Variants in TF observed in about 807,000 individuals in gnomAD.
The protein encoded by TF is serotransferrin.
In TF, 55 loss-of-function variants were observed where a neutral mutation model predicts 82.4. That is an observed-to-expected ratio of 0.67 (90% confidence interval 0.54 to 0.84). The LOEUF is 0.84. Ranked by LOEUF, TF falls within the 40% of genes least tolerant of loss-of-function variation. The pLI is 0.00. For synonymous variants in TF, 332 were observed against 332.6 expected, an observed-to-expected ratio of 1.00 and a Z score of 0.02; for missense variants, 737 against 868.4, an observed-to-expected ratio of 0.85 and a Z score of 1.90.
the TF span, among the ~76,000 whole-genome samples, chr3:133,724,263 G>C: frequency 1.3e-5 from 2 of 152,174 alleles, no homozygotes; most frequent in African/African-American, 2.4e-5. Context: ...CTAGTTTACA[G>C]TTCCACCAAC....
chr3:133,711,443 G>A, the TF span, among the ~76,000 whole-genome samples: 4 of 152,108 alleles, frequency 2.6e-5, no homozygotes, highest in African/African-American at 9.7e-5. Flanking sequence ...AAAACTGAAT[G>A]CACCATCCCT....
At chr3:133,685,430 T>C in the TF span, among the ~76,000 whole-genome samples, 1 of 152,184 alleles carries the variant, frequency 6.6e-6, no homozygotes, top group Non-Finnish European at 1.5e-5. Context: ...GGGCAGATGA[T>C]ATGATTGTAT....
upstream of TF, among the ~76,000 whole-genome samples, chr3:133,741,082 C>G (rs184391346): frequency 2.8e-3 from 420 of 150,188 alleles, 1 homozygote; most frequent in Non-Finnish European, 4.7e-3. Flanking sequence ...ACCTCTGCCT[C>G]CCAGATTCAA....
At chr3:133,756,491 CG>C (rs1343896660) in intron 6 of TF, among the ~76,000 whole-genome samples, 154 bp downstream of exon 6, 1 of 152,154 alleles carries the variant, frequency 6.6e-6, no homozygotes, top group Non-Finnish European at 1.5e-5. Flanking sequence ...TAGGTACCTA[CG>C]GGGTCCCCAT....
At chr3:133,724,774 A>T in the TF span, among the ~76,000 whole-genome samples, 1 of 151,892 alleles carries the variant, frequency 6.6e-6, no homozygotes, top group African/African-American at 2.4e-5. Context: ...TCTTCTAGGG[A>T]TTTTATGGTT....
chr3:133,686,579 C>A, the TF span, among the ~76,000 whole-genome samples: 1 of 152,150 alleles, frequency 6.6e-6, no homozygotes, highest in Admixed American at 6.5e-5. Context: ...ATTCATGCAG[C>A]CAACAGACAC....
At chr3:133,677,498 G>A in the TF span, among the ~76,000 whole-genome samples, 4 of 151,966 alleles carry the variant, frequency 2.6e-5, no homozygotes, top group Non-Finnish European at 5.9e-5. Context: ...TTAGTCAGGC[G>A]TGGTGGTGGG....
intron 8 of TF, 90 bp downstream of exon 8, chr3:133,758,036 C>A: frequency 1.6e-6 from 2 of 1,251,370 alleles, no homozygotes; most frequent in Non-Finnish European, 2.3e-6. Context: ...CAGGGACCTG[C>A]ACGCCTCTCC....
chr3:133,719,102 G>C, the TF span, among the ~76,000 whole-genome samples: 1 of 152,170 alleles, frequency 6.6e-6, no homozygotes, highest in East Asian at 1.9e-4. Context: ...CTTGAACCCA[G>C]AGAAACATTT....
At chr3:133,744,072 A>G (rs557416203), upstream of TF, among the ~76,000 whole-genome samples, 1 of 152,246 alleles carries the variant, frequency 6.6e-6, no homozygotes, top group African/African-American at 2.4e-5. Flanking sequence ...ATGAGGCTGT[A>G]TATTTCCTTC....
At chr3:133,753,456 C>A in intron 2 of TF, 139 bp from the exon 3 acceptor site, 1 of 726,916 alleles carries the variant, frequency 1.4e-6, no homozygotes, top group Non-Finnish European at 2.5e-6. Flanking sequence ...CAACTGAAGC[C>A]AGCAGGGCTG....
the TF span, among the ~76,000 whole-genome samples, chr3:133,733,040 A>C: frequency 6.6e-6 from 1 of 152,214 alleles, no homozygotes; most frequent in Non-Finnish European, 1.5e-5. Context: ...ACTGAATGCC[A>C]CTTCTACCAA....
At chr3:133,743,799 G>A (rs1234050834), upstream of TF, among the ~76,000 whole-genome samples, 1 of 152,178 alleles carries the variant, frequency 6.6e-6, no homozygotes, top group Non-Finnish European at 1.5e-5. Context: ...TGGACATGGA[G>A]CGCTGTAATG....
At position 133,790,341 on chromosome 3, in the gene TF, G is replaced by A. The variant is rs1364499442; in HGVS notation, c.*11721G>A. 1.3e-5 allele frequency: 2 copies of A among 152,082 alleles called. No homozygotes were observed. The highest frequency in any genetic ancestry group is 2.9e-5 in the Non-Finnish European group (2 of 68,006). 9.4% of individuals were successfully genotyped at this position (152,082 alleles called of 1,614,324 possible). A position where few individuals can be genotyped will look rare whatever the true frequency, so the allele number is the denominator to read the frequency against. The stretch of plus-strand genomic sequence containing the variant: ...TTTCACTAAAGTTTTAGGTTACTAA[G>A]GATAAGAATTCTAGTTAACACATAA... On this transcript the variant is annotated 3_prime_UTR_variant, in exon 17 of 17. Transcript: ENST00000402696.
At chr3:133,693,529 G>T in the TF span, among the ~76,000 whole-genome samples, 3 of 152,320 alleles carry the variant, frequency 2.0e-5, no homozygotes, top group African/African-American at 7.2e-5. Flanking sequence ...GTGACTGCAG[G>T]GACCTGAGAA....
the TF span, among the ~76,000 whole-genome samples, chr3:133,705,366 C>T: frequency 6.6e-6 from 1 of 152,094 alleles, no homozygotes; most frequent in Admixed American, 6.5e-5. Context: ...TTCTTTCCCT[C>T]CCGTATAGCA....
Position 133,778,980 on chromosome 3 carries a change from G to C in TF, c.*360G>C. On this transcript the variant is annotated 3_prime_UTR_variant, in exon 17 of 17. Transcript: ENST00000402696. ...AGACATCTTTTCTAAAAGGGTCTGC[G>C]TGATCATTAAAATATAATCAAATGT... is the stretch of plus-strand genomic sequence containing the variant. 3.3e-6 allele frequency: 1 copy of C among 299,690 alleles called. No homozygotes were observed. Among genetic ancestry groups the C allele is most frequent in the South Asian group, 3.4e-5 (1 of 29,720 alleles). 18.6% of individuals were successfully genotyped at this position (299,690 alleles called of 1,614,324 possible).
chr3:133,746,481 T>G lies in TF; in HGVS notation c.41T>G (p.Leu14Arg). The G allele has an allele frequency of 6.3e-7, 1 of 1,598,652 alleles. No individual in the cohort carries two copies. The highest frequency in any genetic ancestry group is 8.5e-7 in the Non-Finnish European group (1 of 1,177,000). ...GGAGCCCTGCTGGTCTGCGCCGTCC[T>G]GGGTGAGTGCGGGCACGGGGTAGCA... ...AVGALLVCAV[L>R]GLCLAVPDKT... Residue 14 changes from leucine to arginine, a missense_variant and splice_region_variant, in exon 1 of 17, where the codon CTG becomes CGG. Coordinates refer to ENST00000402696, the MANE Select transcript of TF (RefSeq NM_001063.4).
At chr3:133,683,849 G>A in the TF span, among the ~76,000 whole-genome samples, 4 of 152,176 alleles carry the variant, frequency 2.6e-5, no homozygotes, top group Admixed American at 2.0e-4. Flanking sequence ...GCACCAAGCA[G>A]ACCTAATAGA....
Sources: gnomAD v4.1 joint callset for allele counts (sites outside exome capture counted in the v4.1 genomes callset) on GRCh38, gnomAD v4.1.1 for gene constraint, MANE v1.5 for transcripts, NCBI Gene and HGNC (gene_info 2026-07-23, HGNC 2026-07-21) for gene names.